FNBP1: variants seen among roughly 807,000 people sequenced by gnomAD.
The protein encoded by FNBP1 is formin-binding protein 1.
Under a neutral mutation model 90.6 loss-of-function variants are expected in FNBP1, and 26 were observed. The ratio of observed to expected loss-of-function variants is 0.29; its 90% CI spans 0.21 to 0.40. FNBP1 has a LOEUF of 0.40. FNBP1 is among the 10% of genes least tolerant of loss of function. FNBP1 has a pLI of 1.00. For missense variants in FNBP1, 635 were observed against 768.0 expected, an observed-to-expected ratio of 0.83 and a Z score of 2.05; for synonymous variants, 260 against 265.2, an observed-to-expected ratio of 0.98 and a Z score of 0.19.
upstream of FNBP1, among the ~76,000 whole-genome samples, chr9:130,044,524 G>A (rs536783680): frequency 3.3e-5 from 5 of 152,274 alleles, no homozygotes; most frequent in East Asian, 7.7e-4. Context: ...AGCTACTTGG[G>A]AGACTGAGAC....
intron 13 of FNBP1, 81 bp downstream of exon 13, chr9:129,902,788 G>A (rs978375941): frequency 1.5e-5 from 22 of 1,438,050 alleles, no homozygotes; most frequent in South Asian, 1.1e-4. Context: ...TGAGAGGATC[G>A]TCAGGGCCCC....
chr9:130,053,265 A>C, the FNBP1 span, among the ~76,000 whole-genome samples: 2 of 152,144 alleles, frequency 1.3e-5, no homozygotes, highest in Admixed American at 1.3e-4. Context: ...TGTGATTCCC[A>C]GCTCAACCTG....
rs574679051 is a variant in FNBP1 at position 130,030,834 on chromosome 9, T to C, written c.24+12118A>G. Among the ~76,000 whole-genome samples, 3 of 152,286 alleles carry C rather than the reference T, an allele frequency of 2.0e-5. No individual in the cohort carries two copies. The East Asian group carries it at 5.8e-4, about 29-fold the overall frequency. On this transcript the variant is annotated intron_variant, in intron 1 of 16. Coordinates refer to ENST00000446176, the MANE Select transcript of FNBP1 (RefSeq NM_015033.3). ...TTAGTGTGAGTCACCTCCAGGCATA[T>C]TGAAAATAAGAAATTTGCTAGCTTA...
Position 130,041,004 on chromosome 9 carries a change from CTT to C in FNBP1, c.24+1946_24+1947del, listed in dbSNP as rs71387303. Among the ~76,000 whole-genome samples, 22 of 134,596 alleles carry C rather than the reference CTT, an allele frequency of 1.6e-4. No individual in the cohort carries two copies. The highest frequency in any genetic ancestry group is 3.4e-3 in the Middle Eastern group (1 of 294). The allele number at this position is 134,596 out of a possible 152,430, so 88.3% of individuals were successfully genotyped here. A position where few individuals can be genotyped will look rare whatever the true frequency, so the allele number is the denominator to read the frequency against. ...TTTTTTCTTTTTTCTTTTTTCTTTT[CTT>C]TTTTTTTTTTTTAAGAGGAGGCCTC... On this transcript the variant is annotated intron_variant, in intron 1 of 16. Transcript: ENST00000446176. This position sits in a 1 kb window ranked among gnomAD's most constrained non-coding sequence, Gnocchi z 4.3.
At chr9:130,006,781 T>C (rs1398852930) in intron 1 of FNBP1, among the ~76,000 whole-genome samples, 4 of 152,198 alleles carry the variant, frequency 2.6e-5, no homozygotes, top group Non-Finnish European at 5.9e-5. Context: ...GTTTCTGTTG[T>C]AGAAATGAAA....
intron 6 of FNBP1, among the ~76,000 whole-genome samples, chr9:129,941,381 G>A (rs570169990): frequency 3.9e-5 from 6 of 151,944 alleles, no homozygotes; most frequent in South Asian, 2.1e-4. Context: ...AGAGCGAGAC[G>A]CCATCTTAAA....
At chr9:130,048,271 G>A in the FNBP1 span, among the ~76,000 whole-genome samples, 1 of 123,026 alleles carries the variant, frequency 8.1e-6, no homozygotes, top group Non-Finnish European at 1.6e-5. Context: ...AGCCGCGATC[G>A]CGCCACTTCA....
At chr9:129,907,802 C>T (rs1433779839) in intron 12 of FNBP1, among the ~76,000 whole-genome samples, 7 of 152,120 alleles carry the variant, frequency 4.6e-5, no homozygotes, top group South Asian at 2.1e-4. Context: ...AATCTCGGCT[C>T]ACTGCAAGCT....
In FNBP1 at chr9:129,896,008, A is replaced by G. The variant is rs145960946; in HGVS notation, c.1688-12T>C. ...TCCTTCATTCTGACCTGAAAAAGCA[A>G]TATCAGGATATGTTAGATGTCTTGG... On this transcript the variant is annotated splice_polypyrimidine_tract_variant and intron_variant, in intron 15 of 16. Coordinates refer to ENST00000446176, the MANE Select transcript of FNBP1 (RefSeq NM_015033.3). The G allele has an allele frequency of 8.2e-3, 13,180 of 1,603,706 alleles. 86 individuals are homozygous for G. The highest frequency in any genetic ancestry group is 0.021 in the Middle Eastern group (129 of 6,014).
chr9:130,035,632 T>G (rs1188654349), intron 1 of FNBP1, among the ~76,000 whole-genome samples: 1 of 152,188 alleles, frequency 6.6e-6, no homozygotes, highest in Non-Finnish European at 1.5e-5. Context: ...GCAGTAATGA[T>G]AACAATCATT....
intron 2 of FNBP1, among the ~76,000 whole-genome samples, chr9:129,979,974 G>A (rs2050930937): frequency 6.6e-6 from 1 of 151,798 alleles, no homozygotes; most frequent in South Asian, 2.1e-4. Context: ...GCACTGAGCT[G>A]TTTTTCTTCT....
At chr9:129,955,655 A>C (rs2046818535) in intron 6 of FNBP1, among the ~76,000 whole-genome samples, 1 of 152,014 alleles carries the variant, frequency 6.6e-6, no homozygotes, top group Non-Finnish European at 1.5e-5. Flanking sequence ...CTGAAGACAG[A>C]GGTTGTTGTT....
chr9:129,998,211 AG>A (rs200460385), intron 1 of FNBP1, among the ~76,000 whole-genome samples: 13,699 of 118,660 alleles, frequency 0.12, 2,393 homozygotes, highest in Middle Eastern at 0.22. Flanking sequence ...AAAAAAAAAA[AG>A]AAAAAAAATG....
intron 1 of FNBP1, among the ~76,000 whole-genome samples, chr9:130,024,761 T>C (rs1283542684): frequency 2.6e-5 from 4 of 152,218 alleles, no homozygotes; most frequent in Non-Finnish European, 5.9e-5. Context: ...TGAATCTTTT[T>C]GGCAAATAAA....
chr9:129,943,025 C>T (rs1252651567), intron 6 of FNBP1, among the ~76,000 whole-genome samples: 2 of 152,238 alleles, frequency 1.3e-5, no homozygotes, highest in Non-Finnish European at 1.5e-5. Context: ...ACAAACTGTT[C>T]TCATCTTACT....
chr9:130,047,049 C>A (rs2060064680), upstream of FNBP1, among the ~76,000 whole-genome samples: 2 of 152,034 alleles, frequency 1.3e-5, no homozygotes, highest in African/African-American at 4.8e-5. Flanking sequence ...GTCTTGAGGA[C>A]CAAGCCCTCA....
chr9:129,985,460 G>GATT (rs1372702310), intron 2 of FNBP1, among the ~76,000 whole-genome samples: 1 of 152,200 alleles, frequency 6.6e-6, no homozygotes, highest in Non-Finnish European at 1.5e-5. Context: ...GAAGAACCAG[G>GATT]ATTACATCCC....
rs1461776074 is a variant in FNBP1, at chr9:129,890,453, A to G, written c.*86T>C. On this transcript the variant is annotated 3_prime_UTR_variant, in exon 17 of 17. Coordinates refer to ENST00000446176, the MANE Select transcript of FNBP1 (RefSeq NM_015033.3). This position sits in a 1 kb window ranked among gnomAD's most constrained non-coding sequence, Gnocchi z 5.8. ...GGGGCTGCGGAGGGGTGGGCTGTCC[A>G]CAGGGCAGGGCGCTGGAGGCCTGTG... 2.6e-6 allele frequency: 3 copies of G among 1,150,304 alleles called. No individual in the cohort carries two copies. The highest frequency in any genetic ancestry group is 1.5e-5 in the African/African-American group (1 of 65,150). 71.3% of individuals were successfully genotyped at this position (1,150,304 alleles called of 1,614,324 possible). A position where few individuals can be genotyped will look rare whatever the true frequency, so the allele number is the denominator to read the frequency against.
chr9:130,019,130 G>A (rs1050538266), intron 1 of FNBP1, among the ~76,000 whole-genome samples: 2 of 151,982 alleles, frequency 1.3e-5, no homozygotes, highest in South Asian at 2.1e-4. Context: ...AGGAGGCCGA[G>A]GTGGGAGGAT....
Sources: allele counts gnomAD v4.1 joint callset (sites outside exome capture counted in the v4.1 genomes callset), GRCh38; gene constraint gnomAD v4.1.1; non-coding constraint Gnocchi (gnomAD v3.1); transcripts MANE v1.5; gene names NCBI Gene and HGNC (gene_info 2026-07-23, HGNC 2026-07-21).